ASIC2: variants seen among roughly 807,000 people sequenced by gnomAD.
The protein encoded by ASIC2 is acid-sensing ion channel 2.
A neutral mutation model predicts 57.3 loss-of-function variants in ASIC2; 25 were observed. That is an observed-to-expected ratio of 0.44 (90% CI 0.32 to 0.61). The LOEUF is 0.61. Ranked by LOEUF, ASIC2 falls within the 20% of genes least tolerant of loss-of-function variation. The probability of loss-of-function intolerance (pLI) is 0.06; values close to 1 mark genes in which losing one functional copy is unlikely to be tolerated. For missense variants in ASIC2, 641 were observed against 738.1 expected (o/e 0.87, Z 1.52); for synonymous variants, 319 against 307.5 (o/e 1.04, Z -0.39).
At chr17:34,067,017 T>C (rs8065269) in intron 1 of ASIC2, among the ~76,000 whole-genome samples, 19,639 of 152,312 alleles carry the variant, frequency 0.13, 1,348 homozygotes, top group South Asian at 0.19. Context: ...GGAACACTGC[T>C]GCCCTCAGGC....
intron 1 of ASIC2, among the ~76,000 whole-genome samples, chr17:33,198,679 T>A (rs1030338703): frequency 1.3e-5 from 2 of 152,024 alleles, no homozygotes; most frequent in Non-Finnish European, 2.9e-5. Flanking sequence ...CTCTCCACCC[T>A]GGGGAAAAAA....
intron 3 of ASIC2, among the ~76,000 whole-genome samples, chr17:33,034,185 T>C (rs2091898763): frequency 6.6e-6 from 1 of 151,996 alleles, no homozygotes; most frequent in Non-Finnish European, 1.5e-5. Flanking sequence ...TTCTCCTCCT[T>C]CTTCTTTTTC....
At chr17:33,669,793 T>G (rs1026544798) in intron 1 of ASIC2, among the ~76,000 whole-genome samples, 4 of 152,236 alleles carry the variant, frequency 2.6e-5, no homozygotes, top group Non-Finnish European at 5.9e-5. Flanking sequence ...CTTCCCCTCC[T>G]GTTTTGTTTG....
At chr17:33,021,923 C>T (rs1018000188) in intron 6 of ASIC2, among the ~76,000 whole-genome samples, 9 of 152,184 alleles carry the variant, frequency 5.9e-5, no homozygotes, top group Admixed American at 5.2e-4. Flanking sequence ...CACATCTCGG[C>T]AGTAAAAGTC....
chr17:33,967,023 G>A (rs547479308), intron 1 of ASIC2, among the ~76,000 whole-genome samples: 72 of 151,832 alleles, frequency 4.7e-4, no homozygotes, highest in Non-Finnish European at 7.9e-4. Flanking sequence ...ACTCTATGTC[G>A]CCAAAAGCAA....
intron 1 of ASIC2, among the ~76,000 whole-genome samples, chr17:33,839,076 T>C (rs1351961172): frequency 1.3e-5 from 2 of 152,232 alleles, no homozygotes; most frequent in Non-Finnish European, 1.5e-5. Context: ...TGATTCTGTA[T>C]AAGTTCCTTG....
intron 1 of ASIC2, among the ~76,000 whole-genome samples, chr17:33,220,187 A>G (rs368829822): frequency 2.0e-5 from 3 of 152,120 alleles, no homozygotes; most frequent in South Asian, 2.1e-4. Context: ...GGCCTCCCCA[A>G]CTGATCTTCC....
chr17:33,866,799 C>CA (rs1450536123), intron 1 of ASIC2, among the ~76,000 whole-genome samples: 3 of 152,148 alleles, frequency 2.0e-5, no homozygotes, highest in African/African-American at 7.2e-5. Context: ...TCACAGTTCA[C>CA]AAAATCTCCT....
intron 1 of ASIC2, among the ~76,000 whole-genome samples, chr17:33,758,585 C>T (rs1910684142): frequency 6.6e-6 from 1 of 152,078 alleles, no homozygotes; most frequent in Admixed American, 6.6e-5. Flanking sequence ...AAGGGCTCTG[C>T]CCTCATGAAT....
At chr17:33,940,971 TG>T (rs1184437054) in intron 1 of ASIC2, among the ~76,000 whole-genome samples, 2 of 152,070 alleles carry the variant, frequency 1.3e-5, no homozygotes, top group African/African-American at 4.8e-5. Context: ...CAGGCTGAGG[TG>T]TTTAGATTCC....
chr17:33,412,213 G>C (rs1251682095), intron 1 of ASIC2, among the ~76,000 whole-genome samples: 1 of 152,210 alleles, frequency 6.6e-6, no homozygotes, highest in African/African-American at 2.4e-5. Flanking sequence ...GGAGAGAAGA[G>C]TTTATTGTAT....
chr17:33,495,581 G>A (rs903603519), intron 1 of ASIC2, among the ~76,000 whole-genome samples: 2 of 152,182 alleles, frequency 1.3e-5, no homozygotes, highest in South Asian at 2.1e-4. Flanking sequence ...TGAGTTGGGG[G>A]ACCACAGTGG....
intron 1 of ASIC2, among the ~76,000 whole-genome samples, chr17:33,668,413 C>G (rs913630719): frequency 5.3e-5 from 8 of 150,610 alleles, no homozygotes; most frequent in Non-Finnish European, 1.0e-4. Context: ...CTGTTAGAAG[C>G]TGCCCACATC....
In ASIC2 at chr17:33,291,761, G is replaced by A. The variant is rs1289394050; in HGVS notation, c.355C>T (p.Arg119Trp). Residue 119 changes from arginine (R) to tryptophan (W), a missense_variant, in exon 1 of 10, where the codon CGG becomes TGG. By Grantham distance (101) the Arg-to-Trp change is moderately radical (BLOSUM62 -3). Around this residue, in one of 3 missense-constraint regions of ASIC2, gnomAD observed 382 missense variants for 398.0 expected, o/e 0.96. Transcript: ENST00000225823. ...LYWLSFPSHT[R>W]VHREWSRQLP... ...TGGCGGCTCCACTCGCGGTGCACCC[G>A]CGTGTGTGACGGGAAGCTGAGCCAG... 6.2e-7 allele frequency: 1 copy of A among 1,613,540 alleles called. No homozygotes were observed. The highest frequency in any genetic ancestry group is 8.5e-7 in the Non-Finnish European group (1 of 1,179,924).
chr17:33,727,697 G>A (rs1909608912), intron 1 of ASIC2, among the ~76,000 whole-genome samples: 1 of 152,186 alleles, frequency 6.6e-6, no homozygotes, highest in Admixed American at 6.5e-5. Context: ...GCCAACGGAT[G>A]GCCAGTATCA....
chr17:33,951,534 CCTATACG>C (rs1354215056), intron 1 of ASIC2, among the ~76,000 whole-genome samples: 1 of 151,972 alleles, frequency 6.6e-6, no homozygotes, highest in Non-Finnish European at 1.5e-5. Flanking sequence ...ACTGTGGGTG[CCTATACG>C]CTATACCTAT....
At chr17:33,483,584 G>C (rs1286787407) in intron 1 of ASIC2, among the ~76,000 whole-genome samples, 1 of 152,226 alleles carries the variant, frequency 6.6e-6, no homozygotes, top group Non-Finnish European at 1.5e-5. Flanking sequence ...GGTCCCTGTT[G>C]CCTCCTCTGC....
chr17:33,246,656 G>C (rs1015773130), intron 1 of ASIC2, among the ~76,000 whole-genome samples: 2 of 152,230 alleles, frequency 1.3e-5, no homozygotes, highest in African/African-American at 2.4e-5. Flanking sequence ...AGCCAGCAAG[G>C]CTGATAAAAA....
intron 1 of ASIC2, among the ~76,000 whole-genome samples, chr17:33,737,942 C>T (rs190681114): frequency 3.1e-4 from 47 of 152,220 alleles, no homozygotes; most frequent in Admixed American, 2.3e-3. Context: ...AAAAACCCAA[C>T]TTGGTAAACA....
Sources: allele counts gnomAD v4.1 joint callset (sites outside exome capture counted in the v4.1 genomes callset), GRCh38; gene constraint gnomAD v4.1.1; regional missense constraint gnomAD v4.1.1; transcripts MANE v1.5; gene names NCBI Gene and HGNC (gene_info 2026-07-23, HGNC 2026-07-21).